Variants in VAPA observed in about 807,000 individuals in gnomAD.
VAPA encodes the protein VAMP associated protein A.
In VAPA, 6 loss-of-function variants were observed where a neutral mutation model predicts 25.6. That is an observed-to-expected ratio of 0.23 (90% confidence interval 0.13 to 0.46). The LOEUF (loss-of-function observed/expected upper bound fraction) is 0.46, where lower values mean the gene tolerates loss of function less well. VAPA is among the 20% of genes least tolerant of loss of function. The pLI, the probability that VAPA is intolerant of heterozygous loss-of-function variation, is 0.99. For missense variants in VAPA, 244 were observed against 302.1 expected (o/e 0.81, Z 1.43); for synonymous variants, 112 against 106.2 (o/e 1.05, Z -0.34).
chr18:9,945,909 T>A (rs1476199150), intron 4 of VAPA, among the ~76,000 whole-genome samples: 1 of 152,204 alleles, frequency 6.6e-6, no homozygotes, highest in Admixed American at 6.5e-5. Context: ...ACCTTAATTT[T>A]GCCTCTCTCG....
chr18:9,945,093 A>G, intron 4 of VAPA: 1 of 1,608,352 alleles, frequency 6.2e-7, no homozygotes, highest in Non-Finnish European at 8.5e-7. Flanking sequence ...TTAGGAGTCT[A>G]CTAGTGTCAA....
intron 1 of VAPA, among the ~76,000 whole-genome samples, chr18:9,915,440 T>A (rs904546348): frequency 6.6e-6 from 1 of 152,146 alleles, no homozygotes; most frequent in African/African-American, 2.4e-5. Context: ...TACAGATTTT[T>A]ATTTTTTTTC....
At chr18:9,952,896 C>G (rs147106534) in intron 5 of VAPA, among the ~76,000 whole-genome samples, 146 of 152,150 alleles carry the variant, frequency 9.6e-4, no homozygotes, top group African/African-American at 3.4e-3. Flanking sequence ...CCAAAAAAAC[C>G]CAACTCCAGA....
chr18:9,922,391 C>T (rs1031107152), intron 1 of VAPA, among the ~76,000 whole-genome samples: 6 of 152,064 alleles, frequency 3.9e-5, no homozygotes, highest in African/African-American at 4.8e-5. Context: ...ACTGTTAACA[C>T]GTAATAACAT....
chr18:9,948,544 T>C (rs957084954), intron 4 of VAPA: 3 of 152,148 alleles, frequency 2.0e-5, no homozygotes, highest in Admixed American at 2.0e-4. Context: ...TAGTTTTTTT[T>C]CTCTTTGGTG....
At chr18:9,946,921 C>T (rs1002368728) in intron 4 of VAPA, among the ~76,000 whole-genome samples, 12 of 152,136 alleles carry the variant, frequency 7.9e-5, no homozygotes, top group Admixed American at 6.5e-4. Flanking sequence ...TTATTCGCTG[C>T]CTTTTTCTAT....
At chr18:9,927,572 A>G (rs2069211709) in intron 1 of VAPA, among the ~76,000 whole-genome samples, 1 of 151,636 alleles carries the variant, frequency 6.6e-6, no homozygotes, top group South Asian at 2.1e-4. Flanking sequence ...AAAGGAAGTC[A>G]TTGTTCTGAA....
intron 1 of VAPA, among the ~76,000 whole-genome samples, chr18:9,922,026 G>A (rs2069160800): frequency 6.6e-6 from 1 of 152,124 alleles, no homozygotes; most frequent in Admixed American, 6.5e-5. Flanking sequence ...ACACCAGACT[G>A]AAGTGCAGTG....
Position 9,914,256 on chromosome 18 carries a change from G to A in VAPA, c.-1G>A. On this transcript the variant is annotated 5_prime_UTR_variant, in exon 1 of 6. Coordinates refer to ENST00000400000, the MANE Select transcript of VAPA (RefSeq NM_194434.3). ...CGCCCCCGCTCTGCGCTGTCTCTCCGATGGCGTCCGCCTCAGGGGCCATGG... is the reference window on the plus strand; with the variant it reads ...CGCCCCCGCTCTGCGCTGTCTCTCCAATGGCGTCCGCCTCAGGGGCCATGG... The A allele has an allele frequency of 1.3e-6, 2 of 1,581,220 alleles. No homozygotes were observed. The highest frequency in any genetic ancestry group is 1.7e-6 in the Non-Finnish European group (2 of 1,165,730).
intron 4 of VAPA, chr18:9,944,855 T>TTC: frequency 6.4e-7 from 1 of 1,551,760 alleles, no homozygotes. Flanking sequence ...TGTCAGTCAT[T>TTC]CCCAATATCA....
At chr18:9,929,111 C>T (rs967028781) in intron 1 of VAPA, among the ~76,000 whole-genome samples, 3 of 152,114 alleles carry the variant, frequency 2.0e-5, no homozygotes, top group Admixed American at 6.5e-5. Context: ...TAATAGTGAA[C>T]TCACCTTTTA....
chr18:9,952,118 CAGTG>C (rs760339099), intron 5 of VAPA, among the ~76,000 whole-genome samples: 66 of 152,192 alleles, frequency 4.3e-4, no homozygotes, highest in Non-Finnish European at 8.4e-4. Context: ...GAAGTGGAAA[CAGTG>C]AGAATGACAT....
At chr18:9,945,603 A>T (rs1599114560) in intron 4 of VAPA, among the ~76,000 whole-genome samples, 1 of 152,086 alleles carries the variant, frequency 6.6e-6, no homozygotes, top group East Asian at 1.9e-4. Flanking sequence ...ACCTCAGGTG[A>T]TCCACCTGCC....
chr18:9,934,887 G>A (rs2069292076), intron 2 of VAPA, among the ~76,000 whole-genome samples: 1 of 152,142 alleles, frequency 6.6e-6, no homozygotes, highest in African/African-American at 2.4e-5. Context: ...GAGGTCAGGA[G>A]ATCGAGACCA....
chr18:9,925,023 G>A (rs766399435), intron 1 of VAPA: 3 of 152,030 alleles, frequency 2.0e-5, no homozygotes, highest in Non-Finnish European at 2.9e-5. Context: ...GGTGATGGAT[G>A]AGTATTTATA....
rs1567904658 is a variant in VAPA, at chr18:9,954,598, T to G, written c.*387T>G. ...TGCTGTTACCTCTTGAAATATGATT[T>G]ATTTAGATTGCTAATCCCACTCATT... On this transcript the variant is annotated 3_prime_UTR_variant, in exon 6 of 6. Transcript: ENST00000400000. The G allele has an allele frequency of 6.2e-6, 1 of 160,756 alleles. No individual in the cohort carries two copies. The highest frequency in any genetic ancestry group is 2.4e-5 in the African/African-American group (1 of 41,654). 10.0% of individuals were successfully genotyped at this position (160,756 alleles called of 1,614,324 possible).
chr18:9,958,773 C>T lies in VAPA; in HGVS notation c.*4562C>T, dbSNP rs374625588. On this transcript the variant is annotated 3_prime_UTR_variant, in exon 6 of 6. Coordinates refer to ENST00000400000, the MANE Select transcript of VAPA (RefSeq NM_194434.3). ...GTTAGGTATTGCTTAAAAAAAATTGCATAAAAGCTTTGCTTGTCAAGTTAG... is the reference window on the plus strand; with the variant it reads ...GTTAGGTATTGCTTAAAAAAAATTGTATAAAAGCTTTGCTTGTCAAGTTAG... 13 of 152,212 alleles carry T rather than the reference C, an allele frequency of 8.5e-5. No individual in the cohort carries two copies. In the East Asian group the frequency reaches 2.5e-3, roughly 29 times the overall value. The allele number at this position is 152,212 out of a possible 1,614,324, so 9.4% of individuals were successfully genotyped here.
chr18:9,920,109 T>A (rs1322505397), intron 1 of VAPA, among the ~76,000 whole-genome samples: 1 of 152,036 alleles, frequency 6.6e-6, no homozygotes, highest in African/African-American at 2.4e-5. Flanking sequence ...TGCATCTTAT[T>A]TGGGGGTGTG....
intron 2 of VAPA, among the ~76,000 whole-genome samples, chr18:9,935,111 A>AAAAC (rs1555616193): frequency 1.3e-5 from 2 of 150,530 alleles, no homozygotes; most frequent in Non-Finnish European, 3.0e-5. Context: ...AAAAAAAAAA[A>AAAAC]AACTTAAAAA....
Sources: allele counts gnomAD v4.1 joint callset (sites outside exome capture counted in the v4.1 genomes callset), GRCh38; gene constraint gnomAD v4.1.1; transcripts MANE v1.5; gene names NCBI Gene and HGNC (gene_info 2026-07-23, HGNC 2026-07-21).